CEACAM18: variants seen among roughly 807,000 people sequenced by gnomAD.
CEACAM18 encodes cell adhesion molecule CEACAM18.
A neutral mutation model predicts 34.3 loss-of-function variants in CEACAM18; 33 were observed. The observed-to-expected ratio is 0.96, with a 90% CI of 0.73 to 1.29. The LOEUF (loss-of-function observed/expected upper bound fraction) is 1.29. Ranked by LOEUF, CEACAM18 falls within the 50% of genes most tolerant of loss-of-function variation. The pLI is 0.00. For synonymous variants in CEACAM18, 169 were observed against 180.9 expected, an observed-to-expected ratio of 0.93 and a Z score of 0.53; for missense variants, 474 against 485.0, an observed-to-expected ratio of 0.98 and a Z score of 0.21.
intron 5 of CEACAM18, among the ~76,000 whole-genome samples, chr19:51,486,360 T>C (rs76035834): frequency 0.076 from 11,507 of 152,190 alleles, 518 homozygotes; most frequent in African/African-American, 0.12. Flanking sequence ...CTGTGAGCTC[T>C]GGGGTGACAG....
At chr19:51,479,874 G>A (rs540153406) in intron 1 of CEACAM18, among the ~76,000 whole-genome samples, 1 of 152,196 alleles carries the variant, frequency 6.6e-6, no homozygotes. Context: ...TGAGTAAAAG[G>A]TGCATAGTGG....
At chr19:51,480,551 A>G (rs1177698258) in exon 2 of CEACAM18, 1 of 1,613,892 alleles carries the variant, frequency 6.2e-7, no homozygotes, top group Non-Finnish European at 8.5e-7. Flanking sequence ...GTACACTGGC[A>G]GGGAGAGAGT....
chr19:51,484,114 G>A (rs913446716), intron 4 of CEACAM18, among the ~76,000 whole-genome samples: 4 of 152,170 alleles, frequency 2.6e-5, no homozygotes, highest in Non-Finnish European at 4.4e-5. Context: ...CAGGGAAAGG[G>A]TGCTGTGAGA....
At chr19:51,486,892 G>GA (rs1162902023) in intron 5 of CEACAM18, among the ~76,000 whole-genome samples, 44 of 140,624 alleles carry the variant, frequency 3.1e-4, no homozygotes, top group Non-Finnish European at 1.1e-4. Context: ...TAATTTTTTT[G>GA]TTTTTTTTTT....
At chr19:51,483,776 T>A (rs1294328626) in intron 4 of CEACAM18, among the ~76,000 whole-genome samples, 1 of 152,130 alleles carries the variant, frequency 6.6e-6, no homozygotes, top group African/African-American at 2.4e-5. Context: ...GATGAGGAAT[T>A]AGAAAGACGC....
At chr19:51,480,622 T>A (rs368469693) in exon 2 of CEACAM18, 7 of 1,613,676 alleles carry the variant, frequency 4.3e-6, no homozygotes, top group Non-Finnish European at 5.9e-6. Flanking sequence ...GAAACTACAC[T>A]GTTCGGGTGG....
intron 1 of CEACAM18, among the ~76,000 whole-genome samples, chr19:51,479,968 A>G (rs1989881117): frequency 6.6e-6 from 1 of 152,140 alleles, no homozygotes; most frequent in Admixed American, 6.5e-5. Context: ...TCATATACCC[A>G]CCTAAGAGTT....
intron 5 of CEACAM18, among the ~76,000 whole-genome samples, chr19:51,488,102 C>G (rs1467800139): frequency 6.6e-6 from 1 of 152,106 alleles, no homozygotes; most frequent in African/African-American, 2.4e-5. Flanking sequence ...TGTCCCTCAC[C>G]CCAACCCCAG....
intron 5 of CEACAM18, among the ~76,000 whole-genome samples, chr19:51,486,427 G>T (rs895237346): frequency 6.6e-6 from 1 of 152,128 alleles, no homozygotes; most frequent in African/African-American, 2.4e-5. Flanking sequence ...GGGTCAGCAG[G>T]TTGCATCATT....
intron 5 of CEACAM18, among the ~76,000 whole-genome samples, 154 bp downstream of exon 5, chr19:51,485,276 C>T (rs1989980378): frequency 6.6e-6 from 1 of 152,136 alleles, no homozygotes; most frequent in Non-Finnish European, 1.5e-5. Context: ...AGATCAGCCC[C>T]CAGGACCTGA....
Position 51,485,127 on chromosome 19 carries a change from C to A in CEACAM18, c.1089+5C>A. On this transcript the variant is annotated splice_donor_5th_base_variant and intron_variant, in intron 5 of 5. Transcript: ENST00000396477. Reference sequence around the variant, plus strand: ...GATCAACCACTACTCAATCAGGTGCCCTCATTGCTCTGGGACAAGGGTGGG... The same window carrying A: ...GATCAACCACTACTCAATCAGGTGCACTCATTGCTCTGGGACAAGGGTGGG... The A allele has an allele frequency of 6.7e-7, 1 of 1,500,884 alleles. No homozygotes were observed. Among genetic ancestry groups the A allele is most frequent in the Non-Finnish European group, 8.9e-7 (1 of 1,127,238 alleles). 93.0% of individuals were successfully genotyped at this position (1,500,884 alleles called of 1,614,324 possible). A position where few individuals can be genotyped will look rare whatever the true frequency, so the allele number is the denominator to read the frequency against.
chr19:51,479,142 C>T (rs898481506), intron 1 of CEACAM18, among the ~76,000 whole-genome samples: 1 of 152,068 alleles, frequency 6.6e-6, no homozygotes, highest in Non-Finnish European at 1.5e-5. Flanking sequence ...CTCACCTTTG[C>T]CCAGGACCTT....
chr19:51,486,723 C>T (rs149246880), intron 5 of CEACAM18, among the ~76,000 whole-genome samples: 5,418 of 134,478 alleles, frequency 0.04, 152 homozygotes, highest in Middle Eastern at 0.054. Context: ...TCTTTTCTTT[C>T]TTTTTTTTTT....
chr19:51,490,062 T>C lies in CEACAM18; in HGVS notation c.1090-525T>C, dbSNP rs192771546. 2.5e-3 allele frequency among the ~76,000 whole-genome samples: 385 copies of C among 152,292 alleles called. 1 individual carries two copies. Among genetic ancestry groups the C allele is most frequent in the Admixed American group, 4.1e-3 (63 of 15,288 alleles). Reference sequence around the variant, plus strand: ...CCGATATGAGAGCAGGGATCTGGAATCAGAGAAGCCAGTTTGGGAATATTG... The same window carrying C: ...CCGATATGAGAGCAGGGATCTGGAACCAGAGAAGCCAGTTTGGGAATATTG... On this transcript the variant is annotated intron_variant, in intron 5 of 5. Transcript: ENST00000396477.
At chr19:51,481,575 G>T (rs764003010) in exon 3 of CEACAM18, 1 of 1,613,994 alleles carries the variant, frequency 6.2e-7, no homozygotes, top group East Asian at 2.2e-5. Flanking sequence ...CATCCTCAGG[G>T]TCAGCCGCTA....
chr19:51,485,373 G>T (rs1298347904), intron 5 of CEACAM18, among the ~76,000 whole-genome samples: 1 of 152,168 alleles, frequency 6.6e-6, no homozygotes, highest in Non-Finnish European at 1.5e-5. Flanking sequence ...TTCTCTTTGT[G>T]TTTATAAGGG....
intron 2 of CEACAM18, among the ~76,000 whole-genome samples, chr19:51,481,189 G>A (rs1015480587): frequency 2.0e-5 from 3 of 152,202 alleles, no homozygotes; most frequent in Admixed American, 6.5e-5. Context: ...CAGCACGGCA[G>A]TGGCTCAGGC....
In CEACAM18 at chr19:51,480,566, A is replaced by T. The variant is rs991294734; in HGVS notation, c.286A>T (p.Arg96Ter). ...GTACACTGGCAGGGAGAGAGTGAAC[A>T]GAGAAGGCAGCCTGTTGATCAGGCC... The change falls in exon 2 of 6, where the codon AGA (arginine) becomes TGA (stop). Residue 96 changes from arginine (R) to a stop codon, truncating the protein, a stop_gained. Transcript: ENST00000396477. LOFTEE classifies it high-confidence loss of function. 2.4e-5 allele frequency: 39 copies of T among 1,613,920 alleles called. No homozygotes were observed. The highest frequency in any genetic ancestry group is 3.2e-5 in the Non-Finnish European group (38 of 1,179,916).
At chr19:51,481,152 C>A (rs1989908318) in intron 2 of CEACAM18, among the ~76,000 whole-genome samples, 1 of 152,182 alleles carries the variant, frequency 6.6e-6, no homozygotes, top group African/African-American at 2.4e-5. Flanking sequence ...CATGTTTATG[C>A]CAAGAGCTCA....
Sources: allele counts gnomAD v4.1 joint callset (sites outside exome capture counted in the v4.1 genomes callset), GRCh38; gene constraint gnomAD v4.1.1; transcripts MANE v1.5; gene names NCBI Gene and HGNC (gene_info 2026-07-23, HGNC 2026-07-21).